KARS1: variants seen among roughly 807,000 people sequenced by gnomAD.
KARS1 encodes the protein lysyl-tRNA synthetase 1, also known as lysine--tRNA ligase.
Under a neutral mutation model 63.9 loss-of-function variants are expected in KARS1, and 50 were observed. That is an observed-to-expected ratio of 0.78 (90% CI 0.62 to 0.99). The LOEUF (loss-of-function observed/expected upper bound fraction) is 0.99. Among genes scored for constraint, KARS1 ranks in the 50% least tolerant of loss-of-function variants. The pLI, the probability that KARS1 is intolerant of heterozygous loss-of-function variation, is 0.00. For synonymous variants in KARS1, 320 were observed against 264.6 expected (o/e 1.21, Z -2.03); for missense variants, 816 against 754.5 (o/e 1.08, Z -0.95).
intron 2 of KARS1, among the ~76,000 whole-genome samples, chr16:75,640,825 A>T (rs2082216067): frequency 1.3e-5 from 2 of 152,238 alleles, no homozygotes; most frequent in Non-Finnish European, 1.5e-5. Flanking sequence ...GCAACTTCTC[A>T]ACTCTGCTGT....
intron 3 of KARS1, chr16:75,639,792 G>C: frequency 7.7e-6 from 1 of 130,434 alleles, no homozygotes; most frequent in Non-Finnish European, 1.4e-5. Flanking sequence ...TTTTTTTTTT[G>C]TTTTTTAAAT....
Position 75,631,436 on chromosome 16 carries a change from G to T in KARS1, c.1232C>A (p.Thr411Lys). The change falls in exon 9 of 14, where the codon ACG becomes AAG. Residue 411 changes from threonine (T) to lysine (K), a missense_variant. Physicochemically the swap from Thr to Lys is moderately conservative, Grantham distance 78. Coordinates refer to ENST00000302445, the MANE Select transcript of KARS1 (RefSeq NM_005548.3). ...EKALGMKLPE[T>K]NLFETEETRK... Reference sequence around the variant, plus strand: ...TTTACCTTCAGTTTCAAAGAGGTTCGTTTCTGGCAGCTTCATCCCCAGGGC... The same window carrying T: ...TTTACCTTCAGTTTCAAAGAGGTTCTTTTCTGGCAGCTTCATCCCCAGGGC... The T allele has an allele frequency of 6.2e-7, 1 of 1,614,166 alleles. No individual in the cohort carries two copies. The highest frequency in any genetic ancestry group is 8.5e-7 in the Non-Finnish European group (1 of 1,180,034).
intron 1 of KARS1, chr16:75,644,137 G>A (rs1305825992): frequency 1.6e-6 from 1 of 637,416 alleles, no homozygotes; most frequent in East Asian, 2.8e-5. Flanking sequence ...AAGAGAAAAT[G>A]AGAAAGGACT....
At chr16:75,630,767 G>A (rs1003035734) in intron 10 of KARS1, among the ~76,000 whole-genome samples, 13 of 151,732 alleles carry the variant, frequency 8.6e-5, no homozygotes, top group African/African-American at 2.4e-4. Context: ...CCTGAATAGC[G>A]GGGATTACAG....
intron 1 of KARS1, among the ~76,000 whole-genome samples, chr16:75,645,551 A>G (rs1348395821): frequency 1.3e-5 from 2 of 152,130 alleles, no homozygotes; most frequent in African/African-American, 4.8e-5. Context: ...ATTTAATTTT[A>G]GAAAAGTCAG....
At position 75,640,321 on chromosome 16, in the gene KARS1, A is replaced by G; in HGVS notation, c.251T>C (p.Ile84Thr). The change falls in exon 3 of 14, where the codon ATT becomes ACT. Residue 84 changes from isoleucine (I) to threonine (T), a missense_variant. Transcript: ENST00000302445. ...NQYYKIRSQA[I>T]HQLKVNGEDP... Reference sequence around the variant, plus strand: ...TTCCCCATTGACCTTCAGCTGATGAATTGCTTGACTGCGGATTTTGTAGTA... The same window carrying G: ...TTCCCCATTGACCTTCAGCTGATGAGTTGCTTGACTGCGGATTTTGTAGTA... The G allele has an allele frequency of 6.2e-7, 1 of 1,607,200 alleles. No homozygotes were observed. Among genetic ancestry groups the G allele is most frequent in the Non-Finnish European group, 8.5e-7 (1 of 1,176,040 alleles).
At chr16:75,645,345 C>T (rs1406966512) in intron 1 of KARS1, among the ~76,000 whole-genome samples, 5 of 152,186 alleles carry the variant, frequency 3.3e-5, no homozygotes, top group African/African-American at 4.8e-5. Context: ...TGCTCCAGTG[C>T]TCTGGATCAC....
intron 1 of KARS1, among the ~76,000 whole-genome samples, chr16:75,645,026 A>G (rs1435947287): frequency 1.3e-5 from 2 of 152,242 alleles, no homozygotes; most frequent in African/African-American, 2.4e-5. Context: ...GGAAGGCAAC[A>G]GAATTACAGA....
At chr16:75,633,666 T>A (rs1274726974) in intron 7 of KARS1, among the ~76,000 whole-genome samples, 1 of 152,066 alleles carries the variant, frequency 6.6e-6, no homozygotes. Flanking sequence ...TACAGGCACA[T>A]GCCACCACGC....
At chr16:75,634,807 C>T (rs1163151950) in intron 6 of KARS1, among the ~76,000 whole-genome samples, 6 of 152,122 alleles carry the variant, frequency 3.9e-5, no homozygotes, top group African/African-American at 1.2e-4. Context: ...GATCTCCTGA[C>T]CTTGTGATCT....
intron 3 of KARS1, 100 bp downstream of exon 3, chr16:75,640,084 C>A: frequency 1.1e-6 from 1 of 941,752 alleles, no homozygotes. Flanking sequence ...CAGACACAGG[C>A]TACTTGAGAA....
In KARS1 at chr16:75,631,483, G is replaced by C; in HGVS notation, c.1185C>G (p.Asn395Lys). Residue 395 changes from asparagine (N) to lysine (K), a missense_variant, in exon 9 of 14, where the codon AAC becomes AAG. Physicochemically the swap from Asn to Lys is moderately conservative, Grantham distance 94 (BLOSUM62 0). Coordinates refer to ENST00000302445, the MANE Select transcript of KARS1 (RefSeq NM_005548.3). ...GGGCTTTCTCAAGCTCTTCTACCAT[G>C]TTGATTCGCCGGAAGGGTGGGGTGA... ...VDFTPPFRRI[N>K]MVEELEKALG... 1 of 1,614,156 alleles carries C rather than the reference G, an allele frequency of 6.2e-7. No homozygotes were observed. Among genetic ancestry groups the C allele is most frequent in the Non-Finnish European group, 8.5e-7 (1 of 1,180,022 alleles).
intron 10 of KARS1, among the ~76,000 whole-genome samples, chr16:75,630,923 C>G (rs2082105304): frequency 6.6e-6 from 1 of 152,138 alleles, no homozygotes; most frequent in Non-Finnish European, 1.5e-5. Flanking sequence ...GTGTGAGCCA[C>G]CATGCCCACC....
At chr16:75,639,432 C>T (rs543697014) in intron 3 of KARS1, among the ~76,000 whole-genome samples, 3 of 151,906 alleles carry the variant, frequency 2.0e-5, no homozygotes, top group Non-Finnish European at 2.9e-5. Flanking sequence ...CTTAGCCGGG[C>T]GTGGTGGCAG....
In KARS1 at chr16:75,627,943, T is replaced by C. The variant is rs767379297; in HGVS notation, c.1746A>G (p.Val582=). 3 of 1,612,028 alleles carry C rather than the reference T, an allele frequency of 1.9e-6. No individual in the cohort carries two copies. The Admixed American group carries it at 5.0e-5, about 27-fold the overall frequency. ...TGCTTTCCAGTGTATCAGTGGTTGC[T>C]ACATTCTCCTTCTTGTCTTCGGGTT... ...AMKPEDKKEN[V]ATTDTLESTT... is the part of the protein sequence containing the mutation. Residue 582 remains valine, a synonymous_variant, in exon 14 of 14, where the codon GTA becomes GTG. Transcript: ENST00000302445.
intron 3 of KARS1, among the ~76,000 whole-genome samples, chr16:75,637,733 C>CA (rs572576219): frequency 7.9e-4 from 116 of 147,324 alleles, no homozygotes; most frequent in African/African-American, 2.7e-3. Context: ...GAGCTGAGAT[C>CA]ACGGCATTGC....
chr16:75,634,104 A>G, intron 7 of KARS1, 69 bp downstream of exon 7: 1 of 1,521,198 alleles, frequency 6.6e-7, no homozygotes, highest in Non-Finnish European at 9.1e-7. Context: ...TTCTGACTAT[A>G]CCCATCTAGC....
At chr16:75,632,942 C>A (rs1404989900) in intron 7 of KARS1, among the ~76,000 whole-genome samples, 1 of 152,166 alleles carries the variant, frequency 6.6e-6, no homozygotes, top group Non-Finnish European at 1.5e-5. Context: ...AGGGTAAATA[C>A]TACGGAAAAT....
chr16:75,634,732 C>T (rs550292629), intron 6 of KARS1, among the ~76,000 whole-genome samples: 6 of 152,254 alleles, frequency 3.9e-5, no homozygotes, highest in Admixed American at 6.5e-5. Flanking sequence ...CCTGCCACCA[C>T]GCCTGGCTAA....
Sources: allele counts gnomAD v4.1 joint callset (sites outside exome capture counted in the v4.1 genomes callset), GRCh38; gene constraint gnomAD v4.1.1; transcripts MANE v1.5; gene names NCBI Gene and HGNC (gene_info 2026-07-23, HGNC 2026-07-21).